Variants in ZC3H12B observed in about 807,000 individuals in gnomAD.
ZC3H12B encodes probable ribonuclease ZC3H12B.
A neutral mutation model predicts 43.9 loss-of-function variants in ZC3H12B; 7 were observed. That is an observed-to-expected ratio of 0.16 (90% confidence interval 0.09 to 0.30). The LOEUF (loss-of-function observed/expected upper bound fraction) is 0.30. Ranked by LOEUF, ZC3H12B falls within the 10% of genes least tolerant of loss-of-function variation. ZC3H12B has a pLI of 1.00. For synonymous variants in ZC3H12B, 222 were observed against 241.7 expected, an observed-to-expected ratio of 0.92 and a Z score of 0.76; for missense variants, 475 against 670.2, an observed-to-expected ratio of 0.71 and a Z score of 3.22.
the ZC3H12B span, among the ~76,000 whole-genome samples, chrX:65,265,245 GA>G: frequency 8.9e-6 from 1 of 112,173 alleles, no homozygotes; most frequent in East Asian, 2.8e-4. Context: ...AGGTAATCAA[GA>G]TTTAAACATA....
At chrX:65,228,532 AG>A in the ZC3H12B span, among the ~76,000 whole-genome samples, 1 of 110,992 alleles carries the variant, frequency 9.0e-6, no homozygotes, top group Non-Finnish European at 1.9e-5. Context: ...AGTTCTGGCC[AG>A]GGCAATTAGG....
chrX:65,191,548 A>C, the ZC3H12B span, among the ~76,000 whole-genome samples: 1 of 101,657 alleles, frequency 9.8e-6, no homozygotes, highest in Non-Finnish European at 1.9e-5. Context: ...GTGTCGAGTA[A>C]TTTATCCATT....
the ZC3H12B span, among the ~76,000 whole-genome samples, chrX:65,313,305 A>T: frequency 8.9e-6 from 1 of 112,414 alleles, no homozygotes; most frequent in Non-Finnish European, 1.9e-5. Context: ...TGTGGAGTGT[A>T]AAATTATGGG....
At chrX:65,261,181 C>T in the ZC3H12B span, among the ~76,000 whole-genome samples, 1 of 110,712 alleles carries the variant, frequency 9.0e-6, no homozygotes, top group Non-Finnish European at 1.9e-5. Context: ...TCTTAGCAAC[C>T]AAGGTAAATA....
At chrX:65,209,854 T>A in the ZC3H12B span, among the ~76,000 whole-genome samples, 1 of 99,598 alleles carries the variant, frequency 1.0e-5, no homozygotes. Flanking sequence ...CTGGGAAAAC[T>A]GGCTAGCCAT....
the ZC3H12B span, among the ~76,000 whole-genome samples, chrX:65,155,846 G>T: frequency 9.1e-6 from 1 of 109,504 alleles, no homozygotes; most frequent in South Asian, 4.0e-4. Context: ...GTGACAGAGC[G>T]AGGCCTTTTC....
At chrX:65,462,088 G>A (rs1244430085) in intron 3 of ZC3H12B, among the ~76,000 whole-genome samples, 2 of 110,955 alleles carry the variant, frequency 1.8e-5, no homozygotes, top group Non-Finnish European at 3.8e-5. Flanking sequence ...AAAAGAACTT[G>A]GCTATTTTTC....
the ZC3H12B span, among the ~76,000 whole-genome samples, chrX:65,257,060 CT>C: frequency 1.8e-5 from 2 of 112,010 alleles, no homozygotes; most frequent in South Asian, 7.5e-4. Flanking sequence ...CCTCAGGGAT[CT>C]AGAACTAGAA....
At chrX:65,459,961 A>G (rs1405780244) in intron 3 of ZC3H12B, among the ~76,000 whole-genome samples, 1 of 111,995 alleles carries the variant, frequency 8.9e-6, no homozygotes, top group African/African-American at 3.2e-5. Flanking sequence ...AGAAAACTCC[A>G]TCATCTCAGC....
At chrX:65,469,565 T>C (rs1395820488) in intron 3 of ZC3H12B, 4 of 268,263 alleles carry the variant, frequency 1.5e-5, no homozygotes, top group East Asian at 7.1e-5. Context: ...ATCTCGCCCA[T>C]TGATGACTTT....
chrX:65,290,274 A>C, the ZC3H12B span, among the ~76,000 whole-genome samples: 1 of 110,920 alleles, frequency 9.0e-6, no homozygotes, highest in African/African-American at 3.3e-5. Flanking sequence ...ATCAAACCTA[A>C]TAAGATGTTA....
the ZC3H12B span, among the ~76,000 whole-genome samples, chrX:65,232,576 C>T: frequency 9.0e-6 from 1 of 110,523 alleles, no homozygotes; most frequent in Non-Finnish European, 1.9e-5. Flanking sequence ...ATGGTATTCA[C>T]AAAGCAAAAA....
the ZC3H12B span, among the ~76,000 whole-genome samples, chrX:65,245,470 G>A: frequency 8.9e-6 from 1 of 111,882 alleles, no homozygotes; most frequent in Non-Finnish European, 1.9e-5. Flanking sequence ...GAATCCAGCA[G>A]CATATCAAAA....
At chrX:65,489,433 C>A (rs2148224890) in intron 1 of ZC3H12B, 24 bp downstream of exon 6, 1 of 1,156,136 alleles carries the variant, frequency 8.6e-7, no homozygotes, top group South Asian at 2.1e-5. Flanking sequence ...GTTTTTTTCT[C>A]CCATTTTAAA....
At chrX:65,212,349 A>G in the ZC3H12B span, among the ~76,000 whole-genome samples, 1 of 52,751 alleles carries the variant, frequency 1.9e-5, no homozygotes, top group Non-Finnish European at 3.0e-5. Context: ...TAATATAAAT[A>G]TAATTATTAT....
intron 2 of ZC3H12B, among the ~76,000 whole-genome samples, chrX:65,375,510 G>T (rs2066334200): frequency 8.9e-6 from 1 of 111,907 alleles, no homozygotes; most frequent in East Asian, 2.8e-4. Flanking sequence ...TGACAGCACA[G>T]CTCATGGCTG....
chrX:65,499,859 C>A (rs745877329), intron 3 of ZC3H12B, 24 bp from the exon 9 acceptor site: 1 of 1,154,783 alleles, frequency 8.7e-7, no homozygotes, highest in Non-Finnish European at 1.2e-6. Context: ...GGAAGACAGT[C>A]ACCTCTTGCT....
chrX:65,294,930 A>G, the ZC3H12B span, among the ~76,000 whole-genome samples: 1 of 110,788 alleles, frequency 9.0e-6, no homozygotes, highest in African/African-American at 3.3e-5. Flanking sequence ...AACTGACAGC[A>G]CTAGACAGGT....
At chrX:65,371,140 A>G (rs1369314560) in intron 2 of ZC3H12B, among the ~76,000 whole-genome samples, 1 of 111,511 alleles carries the variant, frequency 9.0e-6, no homozygotes, top group Non-Finnish European at 1.9e-5. Context: ...TTTATACCTC[A>G]AAAGGAAAAA....
Sources: allele counts gnomAD v4.1 joint callset (sites outside exome capture counted in the v4.1 genomes callset), GRCh38; gene constraint gnomAD v4.1.1; transcripts MANE v1.5; gene names NCBI Gene and HGNC (gene_info 2026-07-23, HGNC 2026-07-21).